Variants in TOPAZ1 observed in about 807,000 individuals in gnomAD.
The protein encoded by TOPAZ1 is testis and ovary specific TOPAZ 1.
TOPAZ1 carries 66 observed loss-of-function variants against 172.2 expected under a neutral mutation model. The observed-to-expected ratio is 0.38, with a 90% CI of 0.31 to 0.47. TOPAZ1 has a LOEUF of 0.47. Ranked by LOEUF, TOPAZ1 falls within the 20% of genes least tolerant of loss-of-function variation. TOPAZ1 has a pLI of 0.99. For synonymous variants in TOPAZ1, 681 were observed against 683.9 expected (o/e 1.00, Z 0.07); for missense variants, 1,822 against 1,972.4 (o/e 0.92, Z 1.44).
intron 11 of TOPAZ1, 109 bp downstream of exon 11, chr3:44,287,948 A>G: frequency 1.3e-5 from 8 of 614,918 alleles, no homozygotes. Context: ...CTGGATGCCA[A>G]AGAATTCTAT....
In TOPAZ1 at chr3:44,242,049, G is replaced by A; in HGVS notation, c.-5G>A. On this transcript the variant is annotated 5_prime_UTR_variant, in exon 1 of 20. Coordinates refer to ENST00000309765, the MANE Select transcript of TOPAZ1 (RefSeq NM_001145030.2). The stretch of plus-strand genomic sequence containing the variant: ...AGGGGCCCCAGCGGGCCGGCCCCGG[G>A]GCACATGCGACGACCTCCACCCCTG... 2 of 1,542,602 alleles carry A rather than the reference G, an allele frequency of 1.3e-6. No homozygotes were observed. The highest frequency in any genetic ancestry group is 2.4e-5 in the East Asian group (1 of 40,846).
intron 12 of TOPAZ1, among the ~76,000 whole-genome samples, chr3:44,300,285 T>C (rs1187478955): frequency 6.6e-6 from 1 of 151,774 alleles, no homozygotes; most frequent in East Asian, 1.9e-4. Flanking sequence ...ATAACAAAAA[T>C]TACCCAGGCA....
At chr3:44,335,459 A>C (rs1433773182), downstream of TOPAZ1, among the ~76,000 whole-genome samples, 1 of 152,022 alleles carries the variant, frequency 6.6e-6, no homozygotes, top group African/African-American at 2.4e-5. Flanking sequence ...CCCTGACTCT[A>C]CTAAAAATGC....
intron 8 of TOPAZ1, among the ~76,000 whole-genome samples, chr3:44,280,570 A>C (rs540816151): frequency 4.8e-4 from 73 of 151,576 alleles, no homozygotes; most frequent in Admixed American, 1.2e-3. Context: ...CTGGTCTCGA[A>C]CTCCTAGACT....
rs1478350722 is a variant in TOPAZ1 at position 44,303,910 on chromosome 3, A to AT, written c.3798-99dup. The AT allele has an allele frequency of 9.8e-6, 6 of 609,988 alleles. 1 individual carries two copies. The South Asian group carries it at 1.1e-4, about 11-fold the overall frequency. 37.8% of individuals were successfully genotyped at this position (609,988 alleles called of 1,614,324 possible). A position where few individuals can be genotyped will look rare whatever the true frequency, so the allele number is the denominator to read the frequency against. Reference sequence around the variant, plus strand: ...TGTTTATAGCATATTATATACATTCATTTTTTCTTCTGGTTTCTTATAAAC... The same window carrying AT: ...TGTTTATAGCATATTATATACATTCATTTTTTTCTTCTGGTTTCTTATAAAC... On this transcript the variant is annotated intron_variant, in intron 12 of 19. Transcript: ENST00000309765.
chr3:44,269,490 TTTTTTTTTTTTTG>T (rs1699871097), intron 7 of TOPAZ1, among the ~76,000 whole-genome samples, 189 bp downstream of exon 7: 1 of 135,672 alleles, frequency 7.4e-6, no homozygotes, highest in Admixed American at 7.5e-5. Context: ...TTTTTTTTTT[TTTTTTTTTTTTTG>T]AGACGGAGTC....
downstream of TOPAZ1, among the ~76,000 whole-genome samples, chr3:44,336,004 C>A (rs983710972): frequency 2.6e-5 from 4 of 152,172 alleles, no homozygotes; most frequent in Non-Finnish European, 5.9e-5. Flanking sequence ...TAAAATAAGA[C>A]CCCAAAATTG....
intron 4 of TOPAZ1, among the ~76,000 whole-genome samples, chr3:44,262,025 A>C (rs1026866338): frequency 5.9e-5 from 9 of 152,180 alleles, no homozygotes; most frequent in Non-Finnish European, 1.2e-4. Context: ...TTATATTTAA[A>C]ACACATTTAA....
At chr3:44,253,617 A>T (rs1262960221) in intron 2 of TOPAZ1, among the ~76,000 whole-genome samples, 3 of 152,184 alleles carry the variant, frequency 2.0e-5, no homozygotes, top group African/African-American at 7.2e-5. Context: ...ACTGAGATGG[A>T]AATATTCTAG....
chr3:44,269,374 C>T lies in TOPAZ1; in HGVS notation c.3246+73C>T, dbSNP rs1428289547. ...CCTCCTCCTCCTTCTCCTCCCTCCT[C>T]TTCCTCACTTTCCTCCACTCCCTCT... On this transcript the variant is annotated intron_variant, in intron 7 of 19. Transcript: ENST00000309765. 6 of 843,318 alleles carry T rather than the reference C, an allele frequency of 7.1e-6. No individual in the cohort carries two copies. The East Asian group carries it at 1.6e-4, about 23-fold the overall frequency. 52.2% of individuals were successfully genotyped at this position (843,318 alleles called of 1,614,324 possible).
intron 2 of TOPAZ1, among the ~76,000 whole-genome samples, chr3:44,245,630 A>G (rs545434669): frequency 1.0e-3 from 143 of 143,208 alleles, no homozygotes; most frequent in Non-Finnish European, 1.3e-3. Context: ...TCTGCCTCCC[A>G]GGTTCACCCC....
chr3:44,322,428 C>A (rs989225173), intron 17 of TOPAZ1, among the ~76,000 whole-genome samples: 1 of 152,214 alleles, frequency 6.6e-6, no homozygotes, highest in Non-Finnish European at 1.5e-5. Context: ...ACTACAGATA[C>A]ACAGTTACAT....
intron 2 of TOPAZ1, 138 bp downstream of exon 2, chr3:44,245,409 A>G (rs1204803962): frequency 3.7e-6 from 3 of 817,420 alleles, no homozygotes; most frequent in African/African-American, 1.7e-5. Flanking sequence ...GTTATATACC[A>G]TTATTACTGC....
In TOPAZ1 at chr3:44,245,128, T is replaced by C; in HGVS notation, c.2622T>C (p.Phe874=). ...TAATTCAAGATGACCCAGACCTCTT[T>C]GGAGTCTCCAATGAAGGGGAGCTCT... ...IDVIQDDPDL[F]GVSNEGELSF... is the part of the protein sequence containing the mutation. Residue 874 remains phenylalanine, a synonymous_variant, in exon 2 of 20, where the codon TTT becomes TTC. Transcript: ENST00000309765. 6.4e-7 allele frequency: 1 copy of C among 1,552,044 alleles called. No homozygotes were observed. Among genetic ancestry groups the C allele is most frequent in the Non-Finnish European group, 8.7e-7 (1 of 1,147,066 alleles).
intron 12 of TOPAZ1, among the ~76,000 whole-genome samples, chr3:44,299,115 G>T (rs563356143): frequency 3.9e-4 from 58 of 150,272 alleles, no homozygotes; most frequent in African/African-American, 1.4e-3. Context: ...TAGAGACTGG[G>T]TTTCACCATG....
intron 12 of TOPAZ1, among the ~76,000 whole-genome samples, chr3:44,299,292 G>T (rs916568490): frequency 1.3e-5 from 2 of 151,936 alleles, no homozygotes; most frequent in Non-Finnish European, 2.9e-5. Flanking sequence ...ATGGGAGCTG[G>T]ACATGAACAG....
intron 2 of TOPAZ1, among the ~76,000 whole-genome samples, chr3:44,249,396 A>G (rs1699603989): frequency 6.6e-6 from 1 of 152,132 alleles, no homozygotes; most frequent in African/African-American, 2.4e-5. Flanking sequence ...TAGATTAACA[A>G]AGAAGAAGGA....
At chr3:44,315,194 AAAGAACGTGT>A (rs1188964957) in intron 16 of TOPAZ1, among the ~76,000 whole-genome samples, 6 of 139,964 alleles carry the variant, frequency 4.3e-5, no homozygotes, top group African/African-American at 1.7e-4. Context: ...GCAGGTTTTG[AAAGAACGTGT>A]GTGTGTGTGT....
chr3:44,334,251 T>C (rs1472642889), downstream of TOPAZ1, among the ~76,000 whole-genome samples: 3 of 152,148 alleles, frequency 2.0e-5, no homozygotes, highest in Admixed American at 6.5e-5. Context: ...CTGACAGATA[T>C]CTTGGTCAAA....
Sources: allele counts gnomAD v4.1 joint callset (sites outside exome capture counted in the v4.1 genomes callset), GRCh38; gene constraint gnomAD v4.1.1; transcripts MANE v1.5; gene names NCBI Gene and HGNC (gene_info 2026-07-23, HGNC 2026-07-21).